JARID2: variants seen among roughly 807,000 people sequenced by gnomAD.
JARID2 encodes the protein protein Jumonji.
A neutral mutation model predicts 125.6 loss-of-function variants in JARID2; 21 were observed. The observed-to-expected ratio is 0.17, with a 90% CI of 0.12 to 0.24. The LOEUF (loss-of-function observed/expected upper bound fraction) is 0.24, where lower values mean the gene tolerates loss of function less well. Ranked by LOEUF, JARID2 falls within the 10% of genes least tolerant of loss-of-function variation. The pLI is 1.00. For synonymous variants in JARID2, 736 were observed against 661.6 expected, an observed-to-expected ratio of 1.11 and a Z score of -1.73; for missense variants, 1,303 against 1,639.6, an observed-to-expected ratio of 0.79 and a Z score of 3.55.
At chr6:15,285,106 G>GTTTTTTTTTTTTTTTT (rs199945772) in intron 1 of JARID2, among the ~76,000 whole-genome samples, 1 of 119,458 alleles carries the variant, frequency 8.4e-6, no homozygotes, top group African/African-American at 3.3e-5. Context: ...GTCTTTCTGG[G>GTTTTTTTTTTTTTTTT]TTTTTTTTTT....
chr6:15,496,429 C>T lies in JARID2; in HGVS notation c.1204C>T (p.Pro402Ser). ...CGGGGGGGCGTCCAAGTCCACTGGG[C>T]CCGCCGTCAATGGCCTCAAGGTCAG... Reference protein sequence around the residue: ...SLGGASKSTGPAVNGLKVSGR... With the variant: ...SLGGASKSTGSAVNGLKVSGR... The change falls in exon 7 of 18, where the codon CCC (proline) becomes TCC (serine). Residue 402 changes from proline to serine, a missense_variant. By Grantham distance (74) the Pro-to-Ser change is moderately conservative (BLOSUM62 -1). This residue lies in a region of JARID2 where 651 missense variants were observed against 581.6 expected (regional missense o/e 1.12). Coordinates refer to ENST00000341776, the MANE Select transcript of JARID2 (RefSeq NM_004973.4). 6.2e-7 allele frequency: 1 copy of T among 1,613,768 alleles called. No individual in the cohort carries two copies. The highest frequency in any genetic ancestry group is 8.5e-7 in the Non-Finnish European group (1 of 1,179,874).
intron 4 of JARID2, 159 bp downstream of exon 4, chr6:15,452,334 T>A (rs1767955432): frequency 1.5e-6 from 1 of 684,054 alleles, no homozygotes; most frequent in South Asian, 6.5e-5. Flanking sequence ...ACCGAGAGAG[T>A]GTGTGCTGGG....
At chr6:15,257,994 T>C (rs1036014715) in intron 1 of JARID2, among the ~76,000 whole-genome samples, 18 of 152,170 alleles carry the variant, frequency 1.2e-4, no homozygotes, top group African/African-American at 4.3e-4. Flanking sequence ...TGTACAATGA[T>C]GTTCTTATTC....
At chr6:15,431,487 C>T (rs1005853777) in intron 3 of JARID2, among the ~76,000 whole-genome samples, 1 of 152,160 alleles carries the variant, frequency 6.6e-6, no homozygotes, top group Non-Finnish European at 1.5e-5. Context: ...CTGACAAACA[C>T]CTTGAAGACA....
intron 1 of JARID2, among the ~76,000 whole-genome samples, chr6:15,305,331 C>T (rs1158097503): frequency 6.6e-6 from 1 of 152,156 alleles, no homozygotes; most frequent in Admixed American, 6.5e-5. Context: ...GGGCCTACCC[C>T]AGGAGAAAAG....
At chr6:15,392,052 G>C (rs1765033801) in intron 2 of JARID2, among the ~76,000 whole-genome samples, 1 of 89,780 alleles carries the variant, frequency 1.1e-5, no homozygotes, top group South Asian at 4.6e-4. Context: ...GTGTGTGTGT[G>C]TGTGTGTGTG....
intron 5 of JARID2, among the ~76,000 whole-genome samples, chr6:15,478,695 G>C (rs1769468412): frequency 6.6e-6 from 1 of 151,980 alleles, no homozygotes; most frequent in African/African-American, 2.4e-5. Flanking sequence ...TTGAGATGGA[G>C]TCTCACTCTT....
intron 1 of JARID2, chr6:15,248,927 C>T (rs1481404253): frequency 1.0e-5 from 10 of 985,714 alleles, no homozygotes; most frequent in East Asian, 2.3e-4. Context: ...TGCGCTCGGC[C>T]TCTGCCTTCC....
At chr6:15,385,451 G>A (rs1764747421) in intron 2 of JARID2, among the ~76,000 whole-genome samples, 1 of 151,784 alleles carries the variant, frequency 6.6e-6, no homozygotes, top group Admixed American at 6.6e-5. Flanking sequence ...AGGGACATGT[G>A]CGTGCGTTTA....
intron 1 of JARID2, among the ~76,000 whole-genome samples, chr6:15,288,662 T>C (rs1761092681): frequency 6.6e-6 from 1 of 152,268 alleles, no homozygotes; most frequent in African/African-American, 2.4e-5. Flanking sequence ...GTGGCCAGTA[T>C]GTTTCACATG....
intron 1 of JARID2, among the ~76,000 whole-genome samples, chr6:15,290,899 C>T (rs992169291): frequency 6.6e-6 from 1 of 152,174 alleles, no homozygotes; most frequent in African/African-American, 2.4e-5. Flanking sequence ...GGATTACAGG[C>T]GTGAGGCACT....
chr6:15,352,342 A>C (rs939917805), intron 1 of JARID2, among the ~76,000 whole-genome samples: 4 of 152,174 alleles, frequency 2.6e-5, no homozygotes, highest in Non-Finnish European at 5.9e-5. Context: ...TATTAATGTT[A>C]CATTGTCCTC....
rs1033070843 is a variant in JARID2, at chr6:15,417,761, G to A, written c.323+7396G>A. Among the ~76,000 whole-genome samples the A allele has an allele frequency of 4.6e-5, 7 of 151,956 alleles. No individual in the cohort carries two copies. The South Asian group carries it at 6.2e-4, about 14-fold the overall frequency. On this transcript the variant is annotated intron_variant, in intron 3 of 17. Transcript: ENST00000341776. ...TGTCTCAAAAAAAAACTAAATAAGC[G>A]AATAAATAAATAAAAAATTCTCATG... is the stretch of plus-strand genomic sequence containing the variant.
At chr6:15,341,415 C>T (rs898049522) in intron 1 of JARID2, among the ~76,000 whole-genome samples, 3 of 152,204 alleles carry the variant, frequency 2.0e-5, no homozygotes, top group Non-Finnish European at 4.4e-5. Context: ...CTGCAACACA[C>T]AGGAAAGTAG....
chr6:15,337,772 T>TCTC, intron 1 of JARID2, among the ~76,000 whole-genome samples: 1 of 151,998 alleles, frequency 6.6e-6, no homozygotes, highest in Non-Finnish European at 1.5e-5. Context: ...ATAGGGAAGT[T>TCTC]AACGAAGGAA....
At chr6:15,277,855 T>C (rs1351403837) in intron 1 of JARID2, among the ~76,000 whole-genome samples, 3 of 146,180 alleles carry the variant, frequency 2.1e-5, no homozygotes, top group Non-Finnish European at 3.0e-5. Context: ...CAAAGAAAGA[T>C]GGATAGATGG....
rs1229308206 is a variant in JARID2 at position 15,327,601 on chromosome 6, G to T, written c.46-46516G>T. ...CGTGCATCCCCGCATGCTGCCAGTG[G>T]GTGGTGGGGAGGAGTAGAGAGGACT... On this transcript the variant is annotated intron_variant, in intron 1 of 17. Coordinates refer to ENST00000341776, the MANE Select transcript of JARID2 (RefSeq NM_004973.4). Among the ~76,000 whole-genome samples, 2 of 152,102 alleles carry T rather than the reference G, an allele frequency of 1.3e-5. 1 individual carries two copies. Among genetic ancestry groups the T allele is most frequent in the South Asian group, 4.1e-4 (2 of 4,822 alleles).
At chr6:15,263,119 G>A (rs1014735146) in intron 1 of JARID2, among the ~76,000 whole-genome samples, 10 of 136,390 alleles carry the variant, frequency 7.3e-5, no homozygotes, top group Non-Finnish European at 1.4e-4. Flanking sequence ...TGTGTGTGTG[G>A]TAGGGGTCCT....
chr6:15,323,802 G>C (rs1762436176), intron 1 of JARID2, among the ~76,000 whole-genome samples: 1 of 152,022 alleles, frequency 6.6e-6, no homozygotes, highest in South Asian at 2.1e-4. Flanking sequence ...GGCCACGTGA[G>C]AATCACTTGA....
Sources: gnomAD v4.1 joint callset for allele counts (sites outside exome capture counted in the v4.1 genomes callset) on GRCh38, gnomAD v4.1.1 for gene constraint, gnomAD v4.1.1 regional missense constraint, MANE v1.5 for transcripts, NCBI Gene and HGNC (gene_info 2026-07-23, HGNC 2026-07-21) for gene names.